POM121: variants seen among roughly 807,000 people sequenced by gnomAD.
POM121 encodes nuclear envelope pore membrane protein POM 121.
Under a neutral mutation model 81.3 loss-of-function variants are expected in POM121, and 32 were observed. The observed-to-expected ratio is 0.39, with a 90% CI of 0.30 to 0.53. The LOEUF (loss-of-function observed/expected upper bound fraction) is 0.53, where lower values mean the gene tolerates loss of function less well. Among genes scored for constraint, POM121 ranks in the 20% least tolerant of loss-of-function variants. POM121 has a pLI of 0.66. For missense variants in POM121, 1,138 were observed against 1,614.6 expected (o/e 0.70, Z 5.06); for synonymous variants, 514 against 694.2 (o/e 0.74, Z 4.08).
At chr7:72,923,112 A>ACC (rs1794972064), upstream of POM121, among the ~76,000 whole-genome samples, 37 of 44,796 alleles carry the variant, frequency 8.3e-4, no homozygotes, top group East Asian at 2.1e-3. Context: ...GCTCCCCCCC[A>ACC]ACCCCCCCCC....
intron 3 of POM121, among the ~76,000 whole-genome samples, chr7:72,910,418 G>A (rs1290028742): frequency 6.6e-6 from 1 of 152,158 alleles, no homozygotes; most frequent in Non-Finnish European, 1.5e-5. Context: ...ATTCTGCGGT[G>A]GGTGGGACGG....
At chr7:72,921,148 C>T (rs1794785078), upstream of POM121, among the ~76,000 whole-genome samples, 7 of 152,256 alleles carry the variant, frequency 4.6e-5, no homozygotes, top group South Asian at 1.5e-3. Context: ...CGCGCCACTG[C>T]ACTCCAACCT....
chr7:72,906,484 T>C (rs543220576), intron 3 of POM121, among the ~76,000 whole-genome samples: 3 of 152,362 alleles, frequency 2.0e-5, no homozygotes, highest in East Asian at 3.9e-4. Context: ...AGTATGTCTC[T>C]GGTTGTTAGG....
At chr7:72,944,383 GGA>G (rs1283146999) in intron 11 of POM121, among the ~76,000 whole-genome samples, 10 of 152,194 alleles carry the variant, frequency 6.6e-5, no homozygotes, top group Admixed American at 6.5e-4. Flanking sequence ...AGAAAATCTG[GGA>G]GAGAGAGGGT....
chr7:72,904,227 A>G (rs1793007209), intron 3 of POM121, among the ~76,000 whole-genome samples: 1 of 152,228 alleles, frequency 6.6e-6, no homozygotes, highest in Non-Finnish European at 1.5e-5. Context: ...TGCACTCAGC[A>G]TGTGCATGGC....
At chr7:72,912,588 A>G (rs1264086625) in intron 3 of POM121, among the ~76,000 whole-genome samples, 2 of 152,150 alleles carry the variant, frequency 1.3e-5, no homozygotes, top group Non-Finnish European at 2.9e-5. Flanking sequence ...CATCCTGGCC[A>G]ACATGGTGAA....
intron 5 of POM121, among the ~76,000 whole-genome samples, chr7:72,935,785 GTATATGCTATTCTAAATAGTGCCTTCA>G (rs1468485586): frequency 5.9e-5 from 9 of 151,918 alleles, no homozygotes; most frequent in East Asian, 3.9e-4. Context: ...CTGGCCCTAG[GTATATGCTATTCTAAATAGTGCCTTCA>G]TATATGCTAT....
At chr7:72,926,647 G>A (rs1795476405) in intron 2 of POM121, among the ~76,000 whole-genome samples, 155 bp from the exon 3 acceptor site, 1 of 152,130 alleles carries the variant, frequency 6.6e-6, no homozygotes, top group African/African-American at 2.4e-5. Context: ...TGCTCTTAAC[G>A]AAAAAGTAGC....
chr7:72,885,576 CTTTG>C (rs2129574508), intron 1 of POM121, among the ~76,000 whole-genome samples: 1 of 149,482 alleles, frequency 6.7e-6, no homozygotes, highest in South Asian at 2.1e-4. Flanking sequence ...GTGAAATGTA[CTTTG>C]TTATTTATGT....
chr7:72,936,341 C>CTT (rs552346464), intron 5 of POM121, among the ~76,000 whole-genome samples: 7 of 145,758 alleles, frequency 4.8e-5, no homozygotes, highest in African/African-American at 1.8e-4. Flanking sequence ...TTTTGTATTC[C>CTT]TTTTTTTTTT....
rs551412070 is a variant in POM121, at chr7:72,891,100, A to G, written c.-226A>G. The G allele has an allele frequency of 1.2e-4, 142 of 1,144,984 alleles. 1 individual carries two copies. The South Asian group carries it at 1.4e-3, about 11-fold the overall frequency. The allele number at this position is 1,144,984 out of a possible 1,614,324, so 70.9% of individuals were successfully genotyped here. On this transcript the variant is annotated 5_prime_UTR_variant, in exon 3 of 16. Transcript: ENST00000395270. ...TAACGGGAGGTGAATTTCCATGTCA[A>G]CATAGTCCAGGTAAGTTAGTAGAGT...
rs782797009 is a variant in POM121 at position 72,946,260 on chromosome 7, C to T, written c.*26C>T. 4.4e-5 allele frequency: 71 copies of T among 1,607,794 alleles called. 1 individual carries two copies. In the Admixed American group the frequency reaches 1.1e-3, roughly 26 times the overall value. ...CCTTTGTCCCCTGTCCCTGTTCCCC[C>T]CACCCCTTCCCTAAATCTGGACCTT... On this transcript the variant is annotated 3_prime_UTR_variant, in exon 13 of 13. Coordinates refer to ENST00000434423, the MANE Select transcript of POM121 (RefSeq NM_001387691.1).
chr7:72,936,528 T>C (rs1314475429), intron 5 of POM121, among the ~76,000 whole-genome samples: 3 of 152,284 alleles, frequency 2.0e-5, no homozygotes, highest in Admixed American at 6.5e-5. Flanking sequence ...CCGCCCACCT[T>C]GGCCTCCCAA....
At chr7:72,905,303 T>G (rs1207362573) in intron 3 of POM121, among the ~76,000 whole-genome samples, 1 of 152,250 alleles carries the variant, frequency 6.6e-6, no homozygotes, top group African/African-American at 2.4e-5. Flanking sequence ...TGTATTTAAT[T>G]TCCATGTGTT....
At chr7:72,924,184 G>A (rs1307232976), upstream of POM121, among the ~76,000 whole-genome samples, 3 of 150,812 alleles carry the variant, frequency 2.0e-5, no homozygotes, top group Non-Finnish European at 4.4e-5. Context: ...CTGACCTTGT[G>A]ATCCGCCCAC....
intron 4 of POM121, among the ~76,000 whole-genome samples, chr7:72,917,147 T>C (rs1794363783): frequency 6.6e-6 from 1 of 152,234 alleles, no homozygotes. Context: ...ATTTAGTGAC[T>C]TCCAAACTAT....
chr7:72,932,314 C>T (rs1372337776), intron 5 of POM121, among the ~76,000 whole-genome samples: 39 of 151,360 alleles, frequency 2.6e-4, no homozygotes, highest in Admixed American at 1.3e-4. Context: ...ATCTGAAAAC[C>T]GCCACCTTCT....
At chr7:72,938,524 T>G in intron 5 of POM121, 66 bp from the exon 6 acceptor site, 2 of 1,508,378 alleles carry the variant, frequency 1.3e-6, no homozygotes, top group Non-Finnish European at 1.8e-6. Context: ...GAAAAGAGAC[T>G]TTGTCGTGTT....
At chr7:72,948,494 A>G (rs148414662), downstream of POM121, 34 of 1,613,464 alleles carry the variant, frequency 2.1e-5, 1 homozygote, top group African/African-American at 4.2e-4. Context: ...GCTATGTGCA[A>G]GGCGGTGTGC....
Sources: gnomAD v4.1 joint callset for allele counts (sites outside exome capture counted in the v4.1 genomes callset) on GRCh38, gnomAD v4.1.1 for gene constraint, MANE v1.5 for transcripts, NCBI Gene and HGNC (gene_info 2026-07-23, HGNC 2026-07-21) for gene names.